MTSS1: variants seen among roughly 807,000 people sequenced by gnomAD.
MTSS1 encodes protein MTSS 1.
In MTSS1, 18 loss-of-function variants were observed where a neutral mutation model predicts 79.0. That is an observed-to-expected ratio of 0.23 (90% CI 0.16 to 0.34). The LOEUF is 0.34. MTSS1 is among the 10% of genes least tolerant of loss of function. The pLI is 1.00. For missense variants in MTSS1, 815 were observed against 986.2 expected (o/e 0.83, Z 2.33); for synonymous variants, 341 against 368.6 (o/e 0.93, Z 0.86).
At chr8:124,664,012 A>C (rs1371324572) in intron 3 of MTSS1, among the ~76,000 whole-genome samples, 2 of 152,176 alleles carry the variant, frequency 1.3e-5, no homozygotes, top group African/African-American at 4.8e-5. Flanking sequence ...AAATAAAGCA[A>C]AGCACAGCAC....
At chr8:124,568,308 A>C in intron 7 of MTSS1, 71 bp downstream of exon 7, 1 of 1,523,886 alleles carries the variant, frequency 6.6e-7, no homozygotes, top group East Asian at 2.3e-5. Context: ...TCAACAGTGG[A>C]TGGATAAAAT....
intron 3 of MTSS1, among the ~76,000 whole-genome samples, chr8:124,678,251 G>C (rs1210011337): frequency 1.3e-5 from 2 of 152,122 alleles, no homozygotes; most frequent in Non-Finnish European, 2.9e-5. Context: ...TAAGATCCTG[G>C]TTCTGCTCTT....
At chr8:124,657,973 G>A (rs1451751397) in intron 3 of MTSS1, among the ~76,000 whole-genome samples, 2 of 152,140 alleles carry the variant, frequency 1.3e-5, no homozygotes, top group Non-Finnish European at 2.9e-5. Context: ...CTTCACAAAT[G>A]GGATTAGTGC....
At position 124,558,865 on chromosome 8, in the gene MTSS1, A is replaced by G. The variant is rs1405464316; in HGVS notation, c.1036-990T>C. On this transcript the variant is annotated intron_variant, in intron 10 of 13. Coordinates refer to ENST00000518547, the MANE Select transcript of MTSS1 (RefSeq NM_014751.6). ...AGGGGAGGGGCCACACGAGGGGACCAACAGAAACCGAGCCACACACCACCA... is the reference window on the plus strand; with the variant it reads ...AGGGGAGGGGCCACACGAGGGGACCGACAGAAACCGAGCCACACACCACCA... 6.6e-6 allele frequency: 10 copies of G among 1,523,334 alleles called. No homozygotes were observed. In the African/African-American group the frequency reaches 9.7e-5, roughly 15 times the overall value. 94.4% of individuals were successfully genotyped at this position (1,523,334 alleles called of 1,614,324 possible). A position where few individuals can be genotyped will look rare whatever the true frequency, so the allele number is the denominator to read the frequency against.
Position 124,589,699 on chromosome 8 carries a change from A to G in MTSS1, c.306T>C (p.Asp102=), listed in dbSNP as rs1167719435. 6.2e-7 allele frequency: 1 copy of G among 1,611,874 alleles called. No homozygotes were observed. Among genetic ancestry groups the G allele is most frequent in the Non-Finnish European group, 8.5e-7 (1 of 1,179,232 alleles). Residue 102 remains aspartate, a synonymous_variant, in exon 5 of 14, where the codon GAT becomes GAC. Transcript: ENST00000518547. ...GTTCTTGAAGTGGGTTTATCAGACA[A>G]TCAATTAAAGCGCTTTTACCAAGCG... is the stretch of plus-strand genomic sequence containing the variant. ...KLRQFSSALI[D]CLINPLQEQM...
At chr8:124,581,303 A>G (rs2132441403) in intron 6 of MTSS1, among the ~76,000 whole-genome samples, 1 of 152,180 alleles carries the variant, frequency 6.6e-6, no homozygotes, top group East Asian at 1.9e-4. Context: ...AAAAAAAAAA[A>G]AAAATCAAGA....
At chr8:124,649,233 A>G (rs1033656120) in intron 3 of MTSS1, among the ~76,000 whole-genome samples, 5 of 152,308 alleles carry the variant, frequency 3.3e-5, no homozygotes, top group African/African-American at 4.8e-5. Context: ...GGGAGTGTTG[A>G]GTGGTTGTGA....
intron 1 of MTSS1, among the ~76,000 whole-genome samples, chr8:124,719,085 CGA>C (rs1382250469): frequency 6.6e-6 from 1 of 152,114 alleles, no homozygotes; most frequent in African/African-American, 2.4e-5. Flanking sequence ...GCTGCAAAAG[CGA>C]GAGAGAGCCC....
intron 3 of MTSS1, among the ~76,000 whole-genome samples, chr8:124,636,977 C>T (rs1817122608): frequency 1.3e-5 from 2 of 152,208 alleles, no homozygotes; most frequent in East Asian, 3.8e-4. Flanking sequence ...GGATTTTCCT[C>T]TGGCATCCAT....
intron 6 of MTSS1, chr8:124,580,711 T>C (rs1314218837): frequency 1.2e-6 from 1 of 805,930 alleles, no homozygotes; most frequent in African/African-American, 1.7e-5. Flanking sequence ...AATTTTCTAT[T>C]AGGGCTGATT....
chr8:124,664,306 T>A (rs1009611127), intron 3 of MTSS1, among the ~76,000 whole-genome samples: 3 of 152,198 alleles, frequency 2.0e-5, no homozygotes, highest in African/African-American at 7.2e-5. Context: ...CAGGCGTGGC[T>A]ATCTCCTTCC....
At chr8:124,714,414 T>A (rs1343343972) in intron 1 of MTSS1, among the ~76,000 whole-genome samples, 1 of 152,186 alleles carries the variant, frequency 6.6e-6, no homozygotes, top group Non-Finnish European at 1.5e-5. Context: ...TTAACTGTTA[T>A]TTGCTCCTAA....
chr8:124,661,477 G>A (rs1822018115), intron 3 of MTSS1, among the ~76,000 whole-genome samples: 1 of 152,164 alleles, frequency 6.6e-6, no homozygotes. Context: ...CAGAAGCTAC[G>A]ATTGTCTCAG....
intron 8 of MTSS1, chr8:124,565,997 A>C (rs1826350236): frequency 2.9e-6 from 1 of 343,518 alleles, no homozygotes; most frequent in Admixed American, 4.5e-5. Flanking sequence ...AGGAAGGGAA[A>C]AGGAAAATCA....
intron 3 of MTSS1, among the ~76,000 whole-genome samples, chr8:124,639,506 G>GT (rs1175888300): frequency 6.6e-6 from 1 of 151,614 alleles, no homozygotes; most frequent in African/African-American, 2.4e-5. Flanking sequence ...ACAGGGTCTT[G>GT]TTCTGTGTCA....
chr8:124,576,791 G>A (rs999365189), intron 6 of MTSS1, among the ~76,000 whole-genome samples: 5 of 152,180 alleles, frequency 3.3e-5, no homozygotes, highest in Admixed American at 2.0e-4. Flanking sequence ...TGCCCATCCC[G>A]TTAGTGTTCT....
chr8:124,695,206 G>A (rs1828590862), intron 3 of MTSS1, among the ~76,000 whole-genome samples: 1 of 152,096 alleles, frequency 6.6e-6, no homozygotes, highest in Admixed American at 6.5e-5. Context: ...TTCCCTTTTG[G>A]AAACAATATG....
At chr8:124,670,363 A>G (rs1823897480) in intron 3 of MTSS1, among the ~76,000 whole-genome samples, 1 of 151,564 alleles carries the variant, frequency 6.6e-6, no homozygotes, top group Non-Finnish European at 1.5e-5. Context: ...AGGAGATTAC[A>G]CTCAGGCGGG....
chr8:124,607,750 G>A (rs1978662), intron 3 of MTSS1, among the ~76,000 whole-genome samples: 16,670 of 152,132 alleles, frequency 0.11, 1,539 homozygotes, highest in African/African-American at 0.24. Flanking sequence ...ATTCTCAGTA[G>A]GTCTAAAAGC....
Sources: gnomAD v4.1 joint callset for allele counts (sites outside exome capture counted in the v4.1 genomes callset) on GRCh38, gnomAD v4.1.1 for gene constraint, MANE v1.5 for transcripts, NCBI Gene and HGNC (gene_info 2026-07-23, HGNC 2026-07-21) for gene names.